NELL1: variants seen among roughly 807,000 people sequenced by gnomAD.
NELL1 encodes neural EGFL like 1.
NELL1 carries 76 observed loss-of-function variants against 107.4 expected under a neutral mutation model. That is an observed-to-expected ratio of 0.71 (90% CI 0.59 to 0.86). The LOEUF is 0.86. Among genes scored for constraint, NELL1 ranks in the 40% least tolerant of loss-of-function variants. NELL1 has a pLI of 0.00. For missense variants in NELL1, 1,024 were observed against 1,005.5 expected (o/e 1.02, Z -0.25); for synonymous variants, 353 against 341.2 (o/e 1.03, Z -0.38).
intron 2 of NELL1, among the ~76,000 whole-genome samples, chr11:20,719,002 G>A (rs1294204691): frequency 6.6e-6 from 1 of 152,200 alleles, no homozygotes; most frequent in Non-Finnish European, 1.5e-5. Flanking sequence ...GGAAAAGAGA[G>A]CATGATGAAG....
At chr11:21,169,786 G>A (rs547588059) in intron 13 of NELL1, 42 of 1,318,374 alleles carry the variant, frequency 3.2e-5, no homozygotes, top group Admixed American at 5.9e-5. Context: ...CCCTCCTGCC[G>A]GGCACCCGGA....
rs963056749 is a variant in NELL1, at chr11:20,757,630, G to A, written c.185-26050G>A. On this transcript the variant is annotated intron_variant, in intron 2 of 19. Coordinates refer to ENST00000357134, the MANE Select transcript of NELL1 (RefSeq NM_006157.5). ...TAAAAATTTAGGTTATGTGAAATGA[G>A]TTTCCTTAACTCTTTTTTCCTCTGG... Among the ~76,000 whole-genome samples the A allele has an allele frequency of 6.6e-5, 10 of 152,244 alleles. No homozygotes were observed. In the East Asian group the frequency reaches 1.9e-3, roughly 29 times the overall value.
At chr11:21,226,569 G>T (rs1264581361) in intron 13 of NELL1, among the ~76,000 whole-genome samples, 1 of 152,050 alleles carries the variant, frequency 6.6e-6, no homozygotes, top group Non-Finnish European at 1.5e-5. Flanking sequence ...CTAAAATATT[G>T]ACTTCAGTGC....
chr11:20,714,700 A>G (rs1855198818), intron 2 of NELL1, among the ~76,000 whole-genome samples: 2 of 152,004 alleles, frequency 1.3e-5, no homozygotes, highest in South Asian at 2.1e-4. Flanking sequence ...TGAGAAAAAG[A>G]AAATTAAATA....
intron 4 of NELL1, among the ~76,000 whole-genome samples, chr11:20,873,214 A>C (rs1032627351): frequency 6.6e-6 from 1 of 152,174 alleles, no homozygotes; most frequent in African/African-American, 2.4e-5. Flanking sequence ...CCTCTGGAAA[A>C]GATGGGACCG....
At chr11:20,931,861 C>G (rs79474191) in intron 9 of NELL1, among the ~76,000 whole-genome samples, 168 of 151,598 alleles carry the variant, frequency 1.1e-3, no homozygotes, top group African/African-American at 4.0e-3. Flanking sequence ...TCCCAAGCTT[C>G]TCTCTGACTT....
At chr11:21,553,568 T>A (rs1856639974) in intron 16 of NELL1, among the ~76,000 whole-genome samples, 1 of 151,806 alleles carries the variant, frequency 6.6e-6, no homozygotes, top group Admixed American at 6.6e-5. Context: ...ATGGACAAGA[T>A]CTTAGAAAAC....
chr11:21,076,097 A>G (rs945942832), intron 12 of NELL1, among the ~76,000 whole-genome samples: 9 of 152,254 alleles, frequency 5.9e-5, no homozygotes, highest in African/African-American at 1.9e-4. Flanking sequence ...ATTGAGTTGG[A>G]TTGAAAAACA....
At chr11:21,437,769 T>A (rs1005954647) in intron 15 of NELL1, among the ~76,000 whole-genome samples, 1 of 152,238 alleles carries the variant, frequency 6.6e-6, no homozygotes. Context: ...TTTCTGTTTC[T>A]TCCTTTTCAG....
chr11:21,537,643 A>AATT (rs1856170642), intron 16 of NELL1, among the ~76,000 whole-genome samples: 1 of 105,140 alleles, frequency 9.5e-6, no homozygotes, highest in Non-Finnish European at 2.3e-5. Context: ...GCCTCAAACA[A>AATT]GTTGTTTGAG....
intron 5 of NELL1, among the ~76,000 whole-genome samples, chr11:20,906,867 A>G (rs954090970): frequency 1.3e-5 from 2 of 152,102 alleles, no homozygotes; most frequent in African/African-American, 4.8e-5. Flanking sequence ...GGCATTAATG[A>G]AAAACTCAGA....
intron 13 of NELL1, among the ~76,000 whole-genome samples, chr11:21,147,341 C>T (rs1204516425): frequency 6.6e-6 from 1 of 152,018 alleles, no homozygotes; most frequent in African/African-American, 2.4e-5. Flanking sequence ...CCGCATTCCC[C>T]AAATTTGTTT....
chr11:20,757,882 C>A lies in NELL1; in HGVS notation c.185-25798C>A, dbSNP rs191106507. On this transcript the variant is annotated intron_variant, in intron 2 of 19. Transcript: ENST00000357134. ...TAGGCTGCCATAACAAATCATAGAA[C>A]TTGATGGCTTAAACAACAGAAATTT... Among the ~76,000 whole-genome samples, 48 of 152,304 alleles carry A rather than the reference C, an allele frequency of 3.2e-4. No homozygotes were observed. The East Asian group carries it at 9.3e-3, about 29-fold the overall frequency.
chr11:21,475,402 A>G (rs1391437140), intron 15 of NELL1, among the ~76,000 whole-genome samples: 1 of 152,128 alleles, frequency 6.6e-6, no homozygotes, highest in East Asian at 1.9e-4. Flanking sequence ...TTCCACTCCT[A>G]TAGGAGGATT....
intron 12 of NELL1, among the ~76,000 whole-genome samples, chr11:21,059,224 A>T (rs564837643): frequency 6.7e-6 from 1 of 149,060 alleles, no homozygotes; most frequent in Non-Finnish European, 1.5e-5. Flanking sequence ...CTACACTTTG[A>T]GTTTCCAAGC....
At chr11:21,093,716 A>G (rs944059839) in intron 12 of NELL1, among the ~76,000 whole-genome samples, 17 of 152,206 alleles carry the variant, frequency 1.1e-4, no homozygotes, top group African/African-American at 4.1e-4. Context: ...GCAGGCAAAA[A>G]GAGAGAGCTT....
Position 21,013,986 on chromosome 11 carries a change from G to T in NELL1, c.1300+53426G>T, listed in dbSNP as rs114944825. Reference sequence around the variant, plus strand: ...ATTTTTTTCTTATAATTAGGCTGGGGTTATGTGTATTGAGGAGGAAGACTC... The same window carrying T: ...ATTTTTTTCTTATAATTAGGCTGGGTTTATGTGTATTGAGGAGGAAGACTC... On this transcript the variant is annotated intron_variant, in intron 12 of 19. Coordinates refer to ENST00000357134, the MANE Select transcript of NELL1 (RefSeq NM_006157.5). Among the ~76,000 whole-genome samples the T allele has an allele frequency of 3.9e-3, 595 of 152,128 alleles. 1 individual carries two copies. The highest frequency in any genetic ancestry group is 0.014 in the African/African-American group (571 of 41,504).
chr11:21,091,773 T>C (rs1854527227), intron 12 of NELL1, among the ~76,000 whole-genome samples: 1 of 152,140 alleles, frequency 6.6e-6, no homozygotes, highest in African/African-American at 2.4e-5. Context: ...TAAAAAAAAT[T>C]CAGGCCATTG....
chr11:21,481,643 A>G (rs73469136), intron 15 of NELL1, among the ~76,000 whole-genome samples: 2,165 of 152,282 alleles, frequency 0.014, 51 homozygotes, highest in African/African-American at 0.049. Flanking sequence ...CTTGTCAGAG[A>G]CAGCATCTGG....
Sources: allele counts gnomAD v4.1 joint callset (sites outside exome capture counted in the v4.1 genomes callset), GRCh38; gene constraint gnomAD v4.1.1; transcripts MANE v1.5; gene names NCBI Gene and HGNC (gene_info 2026-07-23, HGNC 2026-07-21).